KCNAB1: variants seen among roughly 807,000 people sequenced by gnomAD.
The protein encoded by KCNAB1 is potassium voltage-gated channel subfamily A regulatory beta subunit 1.
In KCNAB1, 35 loss-of-function variants were observed where a neutral mutation model predicts 64.6. The ratio of observed to expected loss-of-function variants is 0.54; its 90% CI spans 0.41 to 0.72. The LOEUF is 0.72. KCNAB1 is among the 30% of genes least tolerant of loss of function. KCNAB1 has a pLI of 0.00. For missense variants in KCNAB1, 401 were observed against 512.9 expected, an observed-to-expected ratio of 0.78 and a Z score of 2.11; for synonymous variants, 177 against 183.8, an observed-to-expected ratio of 0.96 and a Z score of 0.30.
At chr3:156,217,165 T>C (rs1273754503) in intron 1 of KCNAB1, 2 of 152,214 alleles carry the variant, frequency 1.3e-5, no homozygotes, top group Admixed American at 6.5e-5. Context: ...TCCACTGCTA[T>C]GTTTAGAGAA....
At chr3:156,143,490 A>G in intron 1 of KCNAB1, 2 of 1,108,036 alleles carry the variant, frequency 1.8e-6, no homozygotes, top group Non-Finnish European at 2.5e-6. Context: ...TAAAGAAATA[A>G]GGACTGAAAT....
chr3:156,309,103 G>A (rs1382395867), intron 1 of KCNAB1, among the ~76,000 whole-genome samples: 1 of 152,084 alleles, frequency 6.6e-6, no homozygotes, highest in Non-Finnish European at 1.5e-5. Flanking sequence ...ATCTGGAAAT[G>A]TATTAGAAAT....
chr3:156,404,427 T>C (rs985018085), intron 1 of KCNAB1, among the ~76,000 whole-genome samples: 3 of 152,202 alleles, frequency 2.0e-5, no homozygotes, highest in African/African-American at 7.2e-5. Flanking sequence ...CTTGACAGCA[T>C]ACAAATGATG....
chr3:156,365,141 T>A (rs1167760958), intron 1 of KCNAB1, among the ~76,000 whole-genome samples: 1 of 152,142 alleles, frequency 6.6e-6, no homozygotes, highest in Non-Finnish European at 1.5e-5. Context: ...TAAGAGTTGG[T>A]CTTTGGACTA....
chr3:156,522,641 C>CA, intron 11 of KCNAB1, among the ~76,000 whole-genome samples: 1 of 152,214 alleles, frequency 6.6e-6, no homozygotes, highest in East Asian at 1.9e-4. Context: ...CAAAATAACT[C>CA]AAAAAAATCA....
chr3:156,396,957 T>A (rs1012618464), intron 1 of KCNAB1, among the ~76,000 whole-genome samples: 3 of 152,228 alleles, frequency 2.0e-5, no homozygotes, highest in Non-Finnish European at 4.4e-5. Flanking sequence ...GTAAGAATCA[T>A]AAAACATTTG....
At chr3:156,174,650 G>C (rs1712226924) in intron 1 of KCNAB1, among the ~76,000 whole-genome samples, 1 of 152,164 alleles carries the variant, frequency 6.6e-6, no homozygotes, top group African/African-American at 2.4e-5. Context: ...TTTAAAGCTG[G>C]TTAGTTATCC....
At chr3:156,146,254 G>C (rs1208339579) in intron 1 of KCNAB1, among the ~76,000 whole-genome samples, 1 of 152,174 alleles carries the variant, frequency 6.6e-6, no homozygotes, top group African/African-American at 2.4e-5. Context: ...AGATCCTTCT[G>C]TTGGCTTAGA....
At chr3:156,167,762 C>A (rs994903109) in intron 1 of KCNAB1, among the ~76,000 whole-genome samples, 1 of 152,176 alleles carries the variant, frequency 6.6e-6, no homozygotes, top group African/African-American at 2.4e-5. Flanking sequence ...GTGGGATATT[C>A]AGCCAAGAGT....
chr3:156,263,145 T>TTTACTTTC (rs1718521537), intron 1 of KCNAB1, among the ~76,000 whole-genome samples: 1 of 151,878 alleles, frequency 6.6e-6, no homozygotes, highest in Non-Finnish European at 1.5e-5. Flanking sequence ...CTAATCTTCA[T>TTTACTTTC]TAATTCTTTT....
chr3:156,431,104 T>G (rs1427193572), intron 2 of KCNAB1, among the ~76,000 whole-genome samples: 1 of 151,986 alleles, frequency 6.6e-6, no homozygotes, highest in Non-Finnish European at 1.5e-5. Flanking sequence ...GGCATTTTGG[T>G]TTTTGTGTGG....
chr3:156,131,277 A>G (rs1275626168), intron 1 of KCNAB1, among the ~76,000 whole-genome samples: 2 of 152,226 alleles, frequency 1.3e-5, no homozygotes, highest in Non-Finnish European at 2.9e-5. Flanking sequence ...GCTTTCCCCA[A>G]CAGCCTCCCC....
At position 156,235,159 on chromosome 3, in the gene KCNAB1, C is replaced by T. The variant is rs528644016; in HGVS notation, c.275+114273C>T. On this transcript the variant is annotated intron_variant, in intron 1 of 13. Transcript: ENST00000490337. Reference sequence around the variant, plus strand: ...TGGTAGAAAGGACAACTGCTGAATTCGTACACATCAGTCTCTCTACTCTCG... The same window carrying T: ...TGGTAGAAAGGACAACTGCTGAATTTGTACACATCAGTCTCTCTACTCTCG... Among the ~76,000 whole-genome samples the T allele has an allele frequency of 1.7e-4, 26 of 152,310 alleles. 1 individual carries two copies. The highest frequency in any genetic ancestry group is 5.8e-4 in the East Asian group (3 of 5,172).
intron 1 of KCNAB1, among the ~76,000 whole-genome samples, chr3:156,183,137 T>C (rs550136629): frequency 2.0e-5 from 3 of 152,152 alleles, no homozygotes; most frequent in East Asian, 1.9e-4. Context: ...GGGAAGAGTA[T>C]ACAGAGTGGA....
At chr3:156,482,421 A>G (rs1261635131) in intron 8 of KCNAB1, among the ~76,000 whole-genome samples, 1 of 151,988 alleles carries the variant, frequency 6.6e-6, no homozygotes, top group Admixed American at 6.6e-5. Context: ...GAGACAGACA[A>G]AAAGTTAGTA....
At chr3:156,238,314 C>T (rs964983184) in intron 1 of KCNAB1, among the ~76,000 whole-genome samples, 11 of 149,344 alleles carry the variant, frequency 7.4e-5, no homozygotes, top group African/African-American at 2.0e-4. Flanking sequence ...CCCAGCTCCT[C>T]GGGAGGCTGA....
intron 1 of KCNAB1, among the ~76,000 whole-genome samples, chr3:156,221,330 C>T (rs533981213): frequency 3.9e-5 from 6 of 152,112 alleles, no homozygotes; most frequent in Admixed American, 1.3e-4. Flanking sequence ...GCCATTTTCA[C>T]GATATTGAAG....
intron 1 of KCNAB1, among the ~76,000 whole-genome samples, chr3:156,350,392 TAAA>T (rs1724777305): frequency 6.7e-6 from 1 of 149,702 alleles, no homozygotes; most frequent in Admixed American, 6.8e-5. Flanking sequence ...CTACAAAAAA[TAAA>T]AAATTAGCTG....
At chr3:156,329,576 G>A (rs141559020) in intron 1 of KCNAB1, among the ~76,000 whole-genome samples, 30 of 152,264 alleles carry the variant, frequency 2.0e-4, no homozygotes, top group Admixed American at 2.0e-3. Flanking sequence ...AGCATCCTAA[G>A]GGGGACACAT....
Sources: allele counts gnomAD v4.1 joint callset (sites outside exome capture counted in the v4.1 genomes callset), GRCh38; gene constraint gnomAD v4.1.1; transcripts MANE v1.5; gene names NCBI Gene and HGNC (gene_info 2026-07-23, HGNC 2026-07-21).